TUNAR: variants seen among roughly 807,000 people sequenced by gnomAD.
TUNAR encodes the protein transmembrane neural differentiation associated intracellular calcium regulator.
At chr14:95,900,600 G>A (rs1278218163) in intron 2 of TUNAR, among the ~76,000 whole-genome samples, 1 of 152,212 alleles carries the variant, frequency 6.6e-6, no homozygotes, top group East Asian at 1.9e-4. Flanking sequence ...TCCTTCTTAG[G>A]TCTGTGCTGG....
intron 2 of TUNAR, among the ~76,000 whole-genome samples, chr14:95,911,160 C>T (rs1013189285): frequency 6.6e-6 from 1 of 152,218 alleles, no homozygotes; most frequent in African/African-American, 2.4e-5. Context: ...CCCCCTCCAG[C>T]CTCAGCTCTT....
At chr14:95,915,296 T>C (rs959966263) in intron 2 of TUNAR, among the ~76,000 whole-genome samples, 3 of 152,138 alleles carry the variant, frequency 2.0e-5, no homozygotes, top group African/African-American at 7.2e-5. Flanking sequence ...GTTCATGGGA[T>C]AGAAGGAAAT....
Position 95,895,283 on chromosome 14 carries a change from A to G in TUNAR, c.12+18106A>G, listed in dbSNP as rs887422604. Among the ~76,000 whole-genome samples the G allele has an allele frequency of 1.2e-4, 19 of 152,332 alleles. No homozygotes were observed. Among genetic ancestry groups the G allele is most frequent in the African/African-American group, 3.4e-4 (14 of 41,578 alleles). ...GAGAGCATGGGCCAGCGGGAAGGGC[A>G]GGAAGCTAGGACTGGGCAAGATAGA... On this transcript the variant is annotated intron_variant, in intron 2 of 2. Coordinates refer to ENST00000678517, the Ensembl canonical transcript of TUNAR. The surrounding 1 kb of genome is among the most constrained non-coding windows in gnomAD (Gnocchi z 4.5).
rs1396919577 is a variant in TUNAR at position 95,903,503 on chromosome 14, G to A, written c.13-19278G>A. 3.3e-5 allele frequency among the ~76,000 whole-genome samples: 5 copies of A among 152,308 alleles called. No individual in the cohort carries two copies. In the East Asian group the frequency reaches 9.7e-4, roughly 29 times the overall value. On this transcript the variant is annotated intron_variant, in intron 2 of 2. Coordinates refer to ENST00000678517, the Ensembl canonical transcript of TUNAR. ...ACAGATCACAAATGAGCATTGTTCTGCTCGCAGAGTTCTTGCTCAGTTACC... is the reference window on the plus strand; with the variant it reads ...ACAGATCACAAATGAGCATTGTTCTACTCGCAGAGTTCTTGCTCAGTTACC...
At chr14:95,919,628 G>A (rs145436392) in intron 2 of TUNAR, among the ~76,000 whole-genome samples, 2,848 of 152,198 alleles carry the variant, frequency 0.019, 109 homozygotes, top group East Asian at 0.13. Flanking sequence ...CAGGAGGATC[G>A]CTTGAGCCCA....
chr14:95,910,899 G>A (rs1889502032), intron 2 of TUNAR, among the ~76,000 whole-genome samples: 1 of 152,228 alleles, frequency 6.6e-6, no homozygotes, highest in Admixed American at 6.5e-5. Context: ...AGAGCTGGCG[G>A]CCACCCTGTC....
chr14:95,899,584 A>G (rs1889316271), intron 2 of TUNAR, among the ~76,000 whole-genome samples: 1 of 152,168 alleles, frequency 6.6e-6, no homozygotes, highest in African/African-American at 2.4e-5. Context: ...TTTATTTCTC[A>G]CAGTTCTGGA....
intron 2 of TUNAR, among the ~76,000 whole-genome samples, chr14:95,896,757 CT>C (rs1229599593): frequency 6.6e-6 from 1 of 152,210 alleles, no homozygotes. Flanking sequence ...AAAAATAACA[CT>C]TTGTTATGTT....
chr14:95,919,699 C>A (rs1889660340), intron 2 of TUNAR, among the ~76,000 whole-genome samples: 1 of 152,010 alleles, frequency 6.6e-6, no homozygotes, highest in Admixed American at 6.6e-5. Flanking sequence ...GGCAAAAGAA[C>A]AAGAGCCTGT....
intron 2 of TUNAR, among the ~76,000 whole-genome samples, chr14:95,879,046 A>AG (rs917812381): frequency 7.9e-5 from 12 of 152,074 alleles, no homozygotes; most frequent in Admixed American, 1.3e-4. Flanking sequence ...CGATGCGTGG[A>AG]GCCGGCCTTA....
At chr14:95,899,671 G>A (rs368827650) in intron 2 of TUNAR, among the ~76,000 whole-genome samples, 95 of 152,186 alleles carry the variant, frequency 6.2e-4, no homozygotes, top group African/African-American at 2.2e-3. Context: ...GCAGATGACC[G>A]TCTTCATGCT....
intron 2 of TUNAR, among the ~76,000 whole-genome samples, chr14:95,892,961 T>C (rs189303866): frequency 4.1e-4 from 63 of 152,208 alleles, no homozygotes; most frequent in African/African-American, 1.4e-3. Flanking sequence ...GAGCCACTTA[T>C]AGGAAAAGGT....
chr14:95,904,150 G>A (rs1485007753), intron 2 of TUNAR, among the ~76,000 whole-genome samples: 1 of 152,200 alleles, frequency 6.6e-6, no homozygotes, highest in African/African-American at 2.4e-5. Flanking sequence ...TCACTCCCCT[G>A]TAACATGGGT....
At chr14:95,881,525 T>TC (rs1566783979) in intron 2 of TUNAR, among the ~76,000 whole-genome samples, 1 of 152,132 alleles carries the variant, frequency 6.6e-6, no homozygotes, top group Non-Finnish European at 1.5e-5. Context: ...GAGTTAATCC[T>TC]CCCCCAAACA....
chr14:95,897,069 C>A (rs538877990), intron 2 of TUNAR, among the ~76,000 whole-genome samples: 1 of 152,332 alleles, frequency 6.6e-6, no homozygotes, highest in Admixed American at 6.5e-5. Flanking sequence ...TGTCACAAAT[C>A]AAATTGTATA....
chr14:95,889,959 C>CAA (rs535897006), intron 2 of TUNAR, among the ~76,000 whole-genome samples: 31,813 of 91,838 alleles, frequency 0.35, 4,046 homozygotes, highest in African/African-American at 0.41. Context: ...GACACAAAGA[C>CAA]AAAAAAAAAA....
At chr14:95,877,598 A>G (rs971621923) in intron 2 of TUNAR, among the ~76,000 whole-genome samples, 7 of 152,170 alleles carry the variant, frequency 4.6e-5, no homozygotes, top group Non-Finnish European at 2.9e-5. Flanking sequence ...GAGAGGTTGA[A>G]TGACTTAATC....
intron 2 of TUNAR, among the ~76,000 whole-genome samples, chr14:95,902,081 T>C (rs1889363311): frequency 6.6e-6 from 1 of 152,168 alleles, no homozygotes; most frequent in Admixed American, 6.5e-5. Context: ...AAGATCACAA[T>C]CCTTTAGTTG....
chr14:95,879,082 GGGAA>G (rs1446784816), intron 2 of TUNAR, among the ~76,000 whole-genome samples: 1 of 152,222 alleles, frequency 6.6e-6, no homozygotes, highest in East Asian at 1.9e-4. Flanking sequence ...GGCTGGGACA[GGGAA>G]GGTGGGCTGA....
Sources: allele counts gnomAD v4.1 joint callset (sites outside exome capture counted in the v4.1 genomes callset), GRCh38; gene constraint gnomAD v4.1.1; non-coding constraint Gnocchi (gnomAD v3.1); transcripts MANE v1.5; gene names NCBI Gene and HGNC (gene_info 2026-07-23, HGNC 2026-07-21).